The following MYLK variants were observed in gnomAD, a reference collection of about 807,000 sequenced individuals.
MYLK encodes myosin light chain kinase.
Under a neutral mutation model 203.4 loss-of-function variants are expected in MYLK, and 106 were observed. That is an observed-to-expected ratio of 0.52 (90% CI 0.45 to 0.61). The LOEUF (loss-of-function observed/expected upper bound fraction) is 0.61. MYLK is among the 20% of genes least tolerant of loss of function. The probability of loss-of-function intolerance (pLI) is 0.00; values close to 1 mark genes in which losing one functional copy is unlikely to be tolerated. For synonymous variants in MYLK, 867 were observed against 959.5 expected, an observed-to-expected ratio of 0.90 and a Z score of 1.78; for missense variants, 2,072 against 2,442.3, an observed-to-expected ratio of 0.85 and a Z score of 3.20.
intron 13 of MYLK, among the ~76,000 whole-genome samples, chr3:123,721,020 C>A (rs1424450859): frequency 6.6e-6 from 1 of 152,226 alleles, no homozygotes; most frequent in Admixed American, 6.5e-5. Flanking sequence ...ACATTCAATT[C>A]CCGAGACTTC....
rs143310898 is a variant in MYLK, at chr3:123,806,741, C to T, written c.-3-12897G>A. Among the ~76,000 whole-genome samples, 26 of 152,208 alleles carry T rather than the reference C, an allele frequency of 1.7e-4. No individual in the cohort carries two copies. The East Asian group carries it at 4.6e-3, about 27-fold the overall frequency. ...ACAATGGCGTGATCTCGGCTCAATG[C>T]AACCTCCGCATCCTGGGTTCAAGTG... is the stretch of plus-strand genomic sequence containing the variant. On this transcript the variant is annotated intron_variant, in intron 3 of 33. Coordinates refer to ENST00000360304, the MANE Select transcript of MYLK (RefSeq NM_053025.4).
chr3:123,664,388 T>G, intron 22 of MYLK, 130 bp from the exon 23 acceptor site: 1 of 1,270,754 alleles, frequency 7.9e-7, no homozygotes, highest in Non-Finnish European at 1.1e-6. Flanking sequence ...CAGTCTGGTC[T>G]GGACTCTGCC....
At chr3:123,623,224 C>T (rs945996666) in intron 31 of MYLK, 2 of 152,200 alleles carry the variant, frequency 1.3e-5, no homozygotes, top group South Asian at 2.1e-4. Flanking sequence ...AAGAATACTC[C>T]GTGCTATACT....
At chr3:123,717,621 C>A (rs1440527476) in intron 13 of MYLK, among the ~76,000 whole-genome samples, 1 of 152,044 alleles carries the variant, frequency 6.6e-6, no homozygotes, top group Non-Finnish European at 1.5e-5. Context: ...TTTAAATATT[C>A]TAGCCCAAGG....
At chr3:123,723,128 A>G (rs961152034) in intron 12 of MYLK, among the ~76,000 whole-genome samples, 13 of 152,172 alleles carry the variant, frequency 8.5e-5, no homozygotes, top group African/African-American at 3.1e-4. Flanking sequence ...TCCAGCTGCC[A>G]TATAGGAAGC....
At chr3:123,646,433 G>A (rs558014152) in intron 27 of MYLK, among the ~76,000 whole-genome samples, 58 of 152,286 alleles carry the variant, frequency 3.8e-4, no homozygotes, top group Admixed American at 1.6e-3. Context: ...TAAAAATTCA[G>A]ATAAAAAAGG....
chr3:123,680,680 T>C lies in MYLK; in HGVS notation c.3652+1544A>G, dbSNP rs573344315. Among the ~76,000 whole-genome samples the C allele has an allele frequency of 5.3e-5, 8 of 152,328 alleles. No individual in the cohort carries two copies. In the East Asian group the frequency reaches 1.5e-3, roughly 29 times the overall value. ...CCCCCAACAGCCTGGCTGGGGTATG[T>C]TTGAGGAACCCAAGTTCATCATTAG... On this transcript the variant is annotated intron_variant, in intron 20 of 33. Coordinates refer to ENST00000360304, the MANE Select transcript of MYLK (RefSeq NM_053025.4).
At chr3:123,772,904 A>G (rs1485007615) in intron 4 of MYLK, among the ~76,000 whole-genome samples, 1 of 152,004 alleles carries the variant, frequency 6.6e-6, no homozygotes, top group Non-Finnish European at 1.5e-5. Flanking sequence ...GTAGTAATTT[A>G]AACTTCATTT....
At chr3:123,733,596 G>A (rs764037199) in intron 10 of MYLK, 91 bp downstream of exon 10, 1 of 1,480,096 alleles carries the variant, frequency 6.8e-7, no homozygotes, top group South Asian at 1.1e-5. Flanking sequence ...AGTGGATATA[G>A]GTGATGCAGA....
chr3:123,819,662 C>T (rs374882633), intron 3 of MYLK, among the ~76,000 whole-genome samples: 6 of 152,160 alleles, frequency 3.9e-5, no homozygotes, highest in East Asian at 1.9e-4. Flanking sequence ...ATCCTAGCAA[C>T]GTTTAGCTGA....
rs773016751 is a variant in MYLK at position 123,618,710 on chromosome 3, T to C, written c.5429A>G (p.Tyr1810Cys). 4 of 1,614,092 alleles carry C rather than the reference T, an allele frequency of 2.5e-6. No homozygotes were observed. The highest frequency in any genetic ancestry group is 1.1e-5 in the South Asian group (1 of 91,082). The change falls in exon 33 of 34, where the codon TAT (tyrosine) becomes TGT (cysteine). Residue 1810 changes from tyrosine (Y) to cysteine (C), a missense_variant. Physicochemically the swap from Tyr to Cys is radical, Grantham distance 194 (BLOSUM62 -2). Transcript: ENST00000360304. ...TAAATCGCGAATGGTCTTAGAGAAA[T>C]AGGGTTTTACATGAGGCTTTTCCTC... Reference protein sequence around the residue: ...VAEEKPHVKPYFSKTIRDLEV... With the variant: ...VAEEKPHVKPCFSKTIRDLEV...
chr3:123,847,118 T>C (rs905815068), intron 2 of MYLK, among the ~76,000 whole-genome samples: 3 of 152,086 alleles, frequency 2.0e-5, no homozygotes, highest in Non-Finnish European at 2.9e-5. Context: ...AAATAAAAAA[T>C]ACAGTATAAC....
rs115351547 is a variant in MYLK, at chr3:123,822,281, G to A, written c.-4+9267C>T. On this transcript the variant is annotated intron_variant, in intron 3 of 33. Coordinates refer to ENST00000360304, the MANE Select transcript of MYLK (RefSeq NM_053025.4). The stretch of plus-strand genomic sequence containing the variant: ...TATTCCAACACAGATACTGCCTCTA[G>A]TCAAAAATGGCCAGACCCTCAGGCC... Among the ~76,000 whole-genome samples the A allele has an allele frequency of 1.5e-3, 221 of 152,300 alleles. 3 individuals are homozygous for A. Among genetic ancestry groups the A allele is most frequent in the Admixed American group, 1.1e-3 (17 of 15,302 alleles).
intron 3 of MYLK, among the ~76,000 whole-genome samples, chr3:123,824,334 T>A (rs2066041465): frequency 6.6e-6 from 1 of 152,112 alleles, no homozygotes; most frequent in African/African-American, 2.4e-5. Flanking sequence ...AGGTGATCCA[T>A]CCGCCTTGGT....
intron 31 of MYLK, among the ~76,000 whole-genome samples, chr3:123,626,178 G>A (rs1307627870): frequency 6.6e-6 from 1 of 152,128 alleles, no homozygotes; most frequent in East Asian, 1.9e-4. Flanking sequence ...TTAGCGACTG[G>A]GATCGCTTCT....
At chr3:123,756,117 T>C (rs748842956) in intron 4 of MYLK, among the ~76,000 whole-genome samples, 6 of 152,228 alleles carry the variant, frequency 3.9e-5, no homozygotes, top group Admixed American at 1.3e-4. Context: ...AATGGCAGAT[T>C]GGAGACCATA....
intron 4 of MYLK, among the ~76,000 whole-genome samples, chr3:123,767,438 C>T (rs1389883715): frequency 6.6e-6 from 1 of 152,172 alleles, no homozygotes; most frequent in African/African-American, 2.4e-5. Flanking sequence ...GAAACCCCGC[C>T]TGTACTAAAA....
intron 4 of MYLK, among the ~76,000 whole-genome samples, chr3:123,793,395 G>A (rs2064860040): frequency 6.6e-6 from 1 of 152,084 alleles, no homozygotes; most frequent in African/African-American, 2.4e-5. Flanking sequence ...TTCTTTTTCT[G>A]TAATTATATA....
chr3:123,871,582 T>C (rs2032787018), intron 2 of MYLK, among the ~76,000 whole-genome samples: 1 of 152,112 alleles, frequency 6.6e-6, no homozygotes, highest in African/African-American at 2.4e-5. Context: ...ATAGACAAAT[T>C]ATCCCAAAGA....
Sources: gnomAD v4.1 joint callset for allele counts (sites outside exome capture counted in the v4.1 genomes callset) on GRCh38, gnomAD v4.1.1 for gene constraint, MANE v1.5 for transcripts, NCBI Gene and HGNC (gene_info 2026-07-23, HGNC 2026-07-21) for gene names.